Variants in PPP2CB observed in about 807,000 individuals in gnomAD.
PPP2CB encodes the protein protein phosphatase 2 catalytic subunit beta.
PPP2CB carries 18 observed loss-of-function variants against 39.1 expected under a neutral mutation model. The ratio of observed to expected loss-of-function variants is 0.46; its 90% CI spans 0.32 to 0.68. The LOEUF (loss-of-function observed/expected upper bound fraction) is 0.68, where lower values mean the gene tolerates loss of function less well. Among genes scored for constraint, PPP2CB ranks in the 30% least tolerant of loss-of-function variants. The pLI is 0.04. For missense variants in PPP2CB, 226 were observed against 396.9 expected, an observed-to-expected ratio of 0.57 and a Z score of 3.66; for synonymous variants, 129 against 133.8, an observed-to-expected ratio of 0.96 and a Z score of 0.25.
In PPP2CB at chr8:30,812,694, G is replaced by C. The variant is rs567535980; in HGVS notation, c.-273C>G. The C allele has an allele frequency of 2.4e-4, 97 of 398,422 alleles. 3 individuals are homozygous for C. Among genetic ancestry groups the C allele is most frequent in the South Asian group, 1.9e-3 (96 of 49,234 alleles). 24.7% of individuals were successfully genotyped at this position (398,422 alleles called of 1,614,324 possible). A position where few individuals can be genotyped will look rare whatever the true frequency, so the allele number is the denominator to read the frequency against. ...GCCGCGGGAGTCGGTGAAGGACGCG[G>C]TGAGGTGCCGGGGAGCGCGGCGCGG... On this transcript the variant is annotated 5_prime_UTR_variant, in exon 1 of 7. Transcript: ENST00000221138.
Position 30,812,553 on chromosome 8 carries a change from G to T in PPP2CB, c.-132C>A, listed in dbSNP as rs1207082792. The T allele has an allele frequency of 9.1e-5, 49 of 537,972 alleles. No homozygotes were observed. In the South Asian group the frequency reaches 1.7e-3, roughly 19 times the overall value. The allele number at this position is 537,972 out of a possible 1,614,324, so 33.3% of individuals were successfully genotyped here. On this transcript the variant is annotated 5_prime_UTR_variant, in exon 1 of 7. Transcript: ENST00000221138. ...CCGCCGTCGCCAGGTCCCACAGGGG[G>T]AGGACTGAGCCGGGTAGGGCGGCCG...
chr8:30,805,487 T>G (rs1026182155), intron 1 of PPP2CB, among the ~76,000 whole-genome samples: 1 of 151,872 alleles, frequency 6.6e-6, no homozygotes, highest in Admixed American at 6.6e-5. Flanking sequence ...ATGAACCCGG[T>G]AGGCGGAGCT....
intron 2 of PPP2CB, among the ~76,000 whole-genome samples, 183 bp downstream of exon 2, chr8:30,799,363 C>A (rs1806580349): frequency 6.6e-6 from 1 of 152,070 alleles, no homozygotes; most frequent in Non-Finnish European, 1.5e-5. Context: ...GAGAATGATA[C>A]ATTTATCGGG....
At chr8:30,810,579 G>A (rs1806809327) in intron 1 of PPP2CB, among the ~76,000 whole-genome samples, 1 of 152,212 alleles carries the variant, frequency 6.6e-6, no homozygotes. Context: ...TTTCAAACCT[G>A]TACATTTCAC....
intron 6 of PPP2CB, among the ~76,000 whole-genome samples, chr8:30,787,498 C>G (rs1806363300): frequency 6.6e-6 from 1 of 152,142 alleles, no homozygotes; most frequent in Non-Finnish European, 1.5e-5. Context: ...AGCCACCACA[C>G]CAGGTTAATT....
intron 1 of PPP2CB, among the ~76,000 whole-genome samples, chr8:30,808,359 A>G (rs1806760412): frequency 6.6e-6 from 1 of 152,088 alleles, no homozygotes; most frequent in African/African-American, 2.4e-5. Flanking sequence ...TCGACCTCCC[A>G]AAGTGCTAGG....
chr8:30,800,333 T>C (rs966692806), intron 1 of PPP2CB, among the ~76,000 whole-genome samples: 2 of 152,164 alleles, frequency 1.3e-5, no homozygotes, highest in African/African-American at 4.8e-5. Context: ...ATGTCCAGAA[T>C]AGGCAAATCT....
chr8:30,806,733 A>G (rs1224889493), intron 1 of PPP2CB, among the ~76,000 whole-genome samples: 1 of 152,238 alleles, frequency 6.6e-6, no homozygotes, highest in Non-Finnish European at 1.5e-5. Context: ...CGTACTGAAG[A>G]GAAAAGACTG....
chr8:30,804,335 C>G (rs904432323), intron 1 of PPP2CB, among the ~76,000 whole-genome samples: 1 of 152,204 alleles, frequency 6.6e-6, no homozygotes, highest in Non-Finnish European at 1.5e-5. Context: ...GAGGAGAGGT[C>G]TGGCCTTTGC....
At chr8:30,791,426 G>A (rs1233858410) in intron 5 of PPP2CB, 111 bp from the exon 6 acceptor site, 2 of 765,842 alleles carry the variant, frequency 2.6e-6, no homozygotes, top group Non-Finnish European at 4.4e-6. Context: ...TGGAAATGTA[G>A]TCGTCTATAT....
chr8:30,812,177 G>A, intron 1 of PPP2CB, 143 bp downstream of exon 1: 1 of 436,174 alleles, frequency 2.3e-6, no homozygotes, highest in Non-Finnish European at 3.5e-6. Flanking sequence ...CGGCCGCCTA[G>A]GTGGACGCCG....
Position 30,786,160 on chromosome 8 carries a change from T to C in PPP2CB, c.*75A>G. On this transcript the variant is annotated 3_prime_UTR_variant, in exon 7 of 7. Transcript: ENST00000221138. ...CAGAAACACATAGATTACTGTTGCTTTTTGTTTTTAAATACATATATTTTA... is the reference window on the plus strand; with the variant it reads ...CAGAAACACATAGATTACTGTTGCTCTTTGTTTTTAAATACATATATTTTA... The C allele has an allele frequency of 1.6e-6, 2 of 1,270,668 alleles. No homozygotes were observed. Among genetic ancestry groups the C allele is most frequent in the South Asian group, 2.8e-5 (2 of 72,250 alleles). 78.7% of individuals were successfully genotyped at this position (1,270,668 alleles called of 1,614,324 possible). A position where few individuals can be genotyped will look rare whatever the true frequency, so the allele number is the denominator to read the frequency against.
rs1227620974 is a variant in PPP2CB at position 30,801,210 on chromosome 8, G to GA, written c.103-1456dup. ...AACCCCGGGTGAGAGTGAGACAAAAGAAAAAAAAGGCAACAACACAGCACA... is the reference window on the plus strand; with the variant it reads ...AACCCCGGGTGAGAGTGAGACAAAAGAAAAAAAAAGGCAACAACACAGCACA... On this transcript the variant is annotated intron_variant, in intron 1 of 6. Transcript: ENST00000221138. Among the ~76,000 whole-genome samples, 8 of 149,748 alleles carry GA rather than the reference G, an allele frequency of 5.3e-5. No homozygotes were observed. The Admixed American group carries it at 5.3e-4, about 10-fold the overall frequency.
At chr8:30,791,068 A>C in intron 6 of PPP2CB, 129 bp downstream of exon 6, 1 of 595,512 alleles carries the variant, frequency 1.7e-6, no homozygotes, top group Non-Finnish European at 2.9e-6. Flanking sequence ...TCTCCAGCTA[A>C]TGGTTATTTT....
rs1241168927 is a variant in PPP2CB, at chr8:30,791,313, T to C, written c.741A>G (p.Gly247=). ...CATTCCGATCATGACACCAATTGTA[T>C]CCCTGCAGGATAAAAACAAATTCAT... ...VSRAHQLVME[G]YNWCHDRNVV... is the part of the protein sequence containing the mutation. Residue 247 remains glycine (G), a splice_region_variant and synonymous_variant, in exon 6 of 7, where the codon GGA becomes GGG. Coordinates refer to ENST00000221138, the MANE Select transcript of PPP2CB (RefSeq NM_001009552.2). 2 of 1,590,532 alleles carry C rather than the reference T, an allele frequency of 1.3e-6. No individual in the cohort carries two copies. The highest frequency in any genetic ancestry group is 1.7e-5 in the Admixed American group (1 of 58,184).
intron 1 of PPP2CB, among the ~76,000 whole-genome samples, chr8:30,804,443 C>T (rs1304691102): frequency 1.3e-5 from 2 of 152,194 alleles, no homozygotes; most frequent in Middle Eastern, 3.2e-3. Flanking sequence ...TGGATGATCC[C>T]ACTATCAGTT....
intron 2 of PPP2CB, among the ~76,000 whole-genome samples, chr8:30,798,310 G>C (rs1289580963): frequency 6.6e-6 from 1 of 152,194 alleles, no homozygotes; most frequent in Non-Finnish European, 1.5e-5. Context: ...CGACTATTTA[G>C]TTAGGAATGC....
intron 1 of PPP2CB, among the ~76,000 whole-genome samples, chr8:30,806,020 C>G (rs917227091): frequency 6.6e-6 from 1 of 151,598 alleles, no homozygotes; most frequent in Non-Finnish European, 1.5e-5. Flanking sequence ...CTGTAATACA[C>G]AGAACTCCTT....
intron 1 of PPP2CB, among the ~76,000 whole-genome samples, chr8:30,805,167 G>A (rs1806698792): frequency 6.6e-6 from 1 of 152,154 alleles, no homozygotes; most frequent in African/African-American, 2.4e-5. Flanking sequence ...AAGCCAAGTC[G>A]AGAATACACT....
Sources: gnomAD v4.1 joint callset for allele counts (sites outside exome capture counted in the v4.1 genomes callset) on GRCh38, gnomAD v4.1.1 for gene constraint, MANE v1.5 for transcripts, NCBI Gene and HGNC (gene_info 2026-07-23, HGNC 2026-07-21) for gene names.